Variants in CCSER2 observed in about 807,000 individuals in gnomAD.
The protein encoded by CCSER2 is coiled-coil serine rich protein 2.
A neutral mutation model predicts 92.3 loss-of-function variants in CCSER2; 46 were observed. The observed-to-expected ratio is 0.50, with a 90% CI of 0.39 to 0.64. CCSER2 has a LOEUF of 0.64. Among genes scored for constraint, CCSER2 ranks in the 30% least tolerant of loss-of-function variants. CCSER2 has a pLI of 0.00. For synonymous variants in CCSER2, 433 were observed against 431.4 expected (o/e 1.00, Z -0.04); for missense variants, 1,244 against 1,238.9 (o/e 1.00, Z -0.06).
In CCSER2 at chr10:84,456,154, C is replaced by T. The variant is rs375307106; in HGVS notation, c.2065-7779C>T. On this transcript the variant is annotated intron_variant, in intron 6 of 9. Coordinates refer to ENST00000372088, the MANE Select transcript of CCSER2 (RefSeq NM_001284240.2). The stretch of plus-strand genomic sequence containing the variant: ...CCTCAAATCAAACACAGACCCCCAC[C>T]TGCATGAATTCAGTGTACAGTTTTA... 1.0e-5 allele frequency: 3 copies of T among 290,424 alleles called. No individual in the cohort carries two copies. In the East Asian group the frequency reaches 2.8e-4, roughly 27 times the overall value. 18.0% of individuals were successfully genotyped at this position (290,424 alleles called of 1,614,324 possible). A position where few individuals can be genotyped will look rare whatever the true frequency, so the allele number is the denominator to read the frequency against.
intron 6 of CCSER2, chr10:84,455,152 T>C (rs1845528822): frequency 6.5e-6 from 1 of 154,418 alleles, no homozygotes; most frequent in Non-Finnish European, 1.4e-5. Flanking sequence ...TCTTTTTCTT[T>C]ATAAATTACC....
intron 7 of CCSER2, among the ~76,000 whole-genome samples, chr10:84,469,099 A>T (rs1846626529): frequency 6.6e-6 from 1 of 152,174 alleles, no homozygotes; most frequent in Non-Finnish European, 1.5e-5. Flanking sequence ...TTGAGATATA[A>T]ATCCTCTGTC....
At position 84,513,715 on chromosome 10, in the gene CCSER2, T is replaced by C; in HGVS notation, c.2592T>C (p.Thr864=). The change falls in exon 10 of 10, where the codon ACT becomes ACC. Residue 864 remains threonine, a synonymous_variant. Transcript: ENST00000372088. ...CTTCTGAAGCAAACTTAAACATTAC[T>C]GTAAATGCTCAAGAGCCTTATCATT... is the stretch of plus-strand genomic sequence containing the variant. The part of the protein sequence containing the change: ...STPSEANLNI[T]VNAQEPYHLA... 1 of 1,538,704 alleles carries C rather than the reference T, an allele frequency of 6.5e-7. No homozygotes were observed. Among genetic ancestry groups the C allele is most frequent in the South Asian group, 1.2e-5 (1 of 84,210 alleles).
At chr10:84,485,126 A>T (rs1261871240) in intron 9 of CCSER2, among the ~76,000 whole-genome samples, 3 of 152,160 alleles carry the variant, frequency 2.0e-5, no homozygotes, top group African/African-American at 7.2e-5. Context: ...AAATGTGGAG[A>T]TCTTTTTTAT....
intron 5 of CCSER2, among the ~76,000 whole-genome samples, chr10:84,426,880 A>G (rs1185423324): frequency 1.3e-5 from 2 of 152,220 alleles, no homozygotes; most frequent in Admixed American, 6.5e-5. Context: ...AAGTTAAGCA[A>G]CATTTTCAAA....
At chr10:84,338,377 G>A (rs745383649) in intron 1 of CCSER2, among the ~76,000 whole-genome samples, 2 of 150,006 alleles carry the variant, frequency 1.3e-5, no homozygotes, top group Non-Finnish European at 3.0e-5. Context: ...AGCTTCTTTT[G>A]TGACTCAGCT....
intron 1 of CCSER2, among the ~76,000 whole-genome samples, chr10:84,341,952 G>T (rs914793617): frequency 2.0e-5 from 3 of 152,168 alleles, no homozygotes; most frequent in African/African-American, 4.8e-5. Context: ...ATATCTCCAC[G>T]TATTCAGCTC....
rs1157919020 is a variant in CCSER2 at position 84,372,360 on chromosome 10, CAAA to C, written c.1309_1311del (p.Lys437del). The C allele has an allele frequency of 5.6e-6, 9 of 1,612,012 alleles. No homozygotes were observed. Among genetic ancestry groups the C allele is most frequent in the East Asian group, 2.2e-5 (1 of 44,822 alleles). On this transcript the variant is annotated inframe_deletion, in exon 2 of 10. Transcript: ENST00000372088. ...GAATAACTCCAGAGGAAATGTCTCT[CAAA>C]GAAGAGAAACATGAAAATGGGCCAC...
chr10:84,441,573 G>T (rs560206181), intron 6 of CCSER2, among the ~76,000 whole-genome samples: 1 of 151,816 alleles, frequency 6.6e-6, no homozygotes, highest in Admixed American at 6.6e-5. Flanking sequence ...TTTGTACATG[G>T]CCATGCCTGT....
rs1416778942 is a variant in CCSER2 at position 84,455,959 on chromosome 10, T to C, written c.2065-7974T>C. 9.3e-6 allele frequency: 6 copies of C among 646,158 alleles called. No homozygotes were observed. In the African/African-American group the frequency reaches 1.1e-4, roughly 12 times the overall value. The allele number at this position is 646,158 out of a possible 1,614,324, so 40.0% of individuals were successfully genotyped here. ...GGATTTCTGTCTCAATTTTGGATTTTTTCACCTGTAAGGGCATCACGTACT... is the reference window on the plus strand; with the variant it reads ...GGATTTCTGTCTCAATTTTGGATTTCTTCACCTGTAAGGGCATCACGTACT... On this transcript the variant is annotated intron_variant, in intron 6 of 9. Transcript: ENST00000372088.
At chr10:84,502,906 G>C (rs1308901147) in intron 9 of CCSER2, among the ~76,000 whole-genome samples, 2 of 152,150 alleles carry the variant, frequency 1.3e-5, no homozygotes, top group Non-Finnish European at 2.9e-5. Flanking sequence ...GTAGTGGCCA[G>C]CAGTGTTCAA....
chr10:84,452,220 C>T (rs1441504036), intron 6 of CCSER2: 1 of 152,134 alleles, frequency 6.6e-6, no homozygotes, highest in Non-Finnish European at 1.5e-5. Context: ...TTTTGTTAGT[C>T]ATTTCAAGTA....
At chr10:84,373,186 GTCT>G (rs1421355322) in intron 2 of CCSER2, among the ~76,000 whole-genome samples, 2 of 151,998 alleles carry the variant, frequency 1.3e-5, no homozygotes, top group South Asian at 2.1e-4. Flanking sequence ...TTGTCTATAG[GTCT>G]TCTAAAAGAG....
chr10:84,457,273 A>T (rs796435312), intron 6 of CCSER2, among the ~76,000 whole-genome samples: 8,694 of 69,558 alleles, frequency 0.12, 1,050 homozygotes, highest in Non-Finnish European at 0.16. Flanking sequence ...TATTATATAT[A>T]ATATATTATA....
At chr10:84,508,860 T>C (rs1849204187) in intron 9 of CCSER2, among the ~76,000 whole-genome samples, 1 of 152,240 alleles carries the variant, frequency 6.6e-6, no homozygotes, top group South Asian at 2.1e-4. Flanking sequence ...TTAATAATCA[T>C]AGAAGAAATT....
rs529056347 is a variant in CCSER2, at chr10:84,441,886, A to G, written c.2064+3179A>G. Among the ~76,000 whole-genome samples the G allele has an allele frequency of 8.7e-4, 132 of 151,144 alleles. No individual in the cohort carries two copies. The South Asian group carries it at 0.025, about 29-fold the overall frequency. On this transcript the variant is annotated intron_variant, in intron 6 of 9. Coordinates refer to ENST00000372088, the MANE Select transcript of CCSER2 (RefSeq NM_001284240.2). ...ATTCTCCTGCCTCAGCCTCCCTAGT[A>G]GCTGGGACTACAGGCGCCCACCACC...
In CCSER2 at chr10:84,464,890, C is replaced by G. The variant is rs547149695; in HGVS notation, c.2148+874C>G. Among the ~76,000 whole-genome samples the G allele has an allele frequency of 7.2e-5, 11 of 152,180 alleles. 1 individual carries two copies. In the South Asian group the frequency reaches 2.3e-3, roughly 32 times the overall value. Reference sequence around the variant, plus strand: ...GGGGCCAGGCCTGGAATTAATAGGGCAGAAAAGCATTATTTGCTCGTAGGT... The same window carrying G: ...GGGGCCAGGCCTGGAATTAATAGGGGAGAAAAGCATTATTTGCTCGTAGGT... On this transcript the variant is annotated intron_variant, in intron 7 of 9. Transcript: ENST00000372088.
intron 4 of CCSER2, among the ~76,000 whole-genome samples, chr10:84,424,672 T>A (rs1843335883): frequency 6.6e-6 from 1 of 152,226 alleles, no homozygotes; most frequent in Non-Finnish European, 1.5e-5. Context: ...GAGGTTTTTT[T>A]TTTTAATGGG....
At chr10:84,465,855 A>G (rs1846390724) in intron 7 of CCSER2, among the ~76,000 whole-genome samples, 1 of 151,860 alleles carries the variant, frequency 6.6e-6, no homozygotes, top group South Asian at 2.1e-4. Flanking sequence ...GGTTCACGCC[A>G]TTCTTCTGCC....
Sources: allele counts gnomAD v4.1 joint callset (sites outside exome capture counted in the v4.1 genomes callset), GRCh38; gene constraint gnomAD v4.1.1; transcripts MANE v1.5; gene names NCBI Gene and HGNC (gene_info 2026-07-23, HGNC 2026-07-21).